ODF2: variants seen among roughly 807,000 people sequenced by gnomAD.
ODF2 encodes outer dense fiber of sperm tails 2.
ODF2 carries 47 observed loss-of-function variants against 110.2 expected under a neutral mutation model. The observed-to-expected ratio is 0.43, with a 90% confidence interval of 0.34 to 0.54. ODF2 has a LOEUF of 0.54. Ranked by LOEUF, ODF2 falls within the 20% of genes least tolerant of loss-of-function variation. The pLI, the probability that ODF2 is intolerant of heterozygous loss-of-function variation, is 0.03. For missense variants in ODF2, 812 were observed against 1,054.5 expected (o/e 0.77, Z 3.19); for synonymous variants, 352 against 397.7 (o/e 0.89, Z 1.37).
At chr9:128,460,068 C>T in intron 3 of ODF2, 1 of 1,123,970 alleles carries the variant, frequency 8.9e-7, no homozygotes, top group Non-Finnish European at 1.2e-6. Flanking sequence ...CTTCAGCTTT[C>T]TGTTTTCCTG....
intron 13 of ODF2, among the ~76,000 whole-genome samples, chr9:128,487,599 A>G (rs1455524395): frequency 5.3e-5 from 8 of 152,096 alleles, no homozygotes; most frequent in Admixed American, 6.5e-5. Flanking sequence ...CATCCTGGCT[A>G]ACACGGTGAA....
At chr9:128,499,596 C>T (rs1846225489) in intron 20 of ODF2, among the ~76,000 whole-genome samples, 1 of 150,498 alleles carries the variant, frequency 6.6e-6, no homozygotes, top group Non-Finnish European at 1.5e-5. Flanking sequence ...CACCCAGACT[C>T]ACGTTTTGTT....
At chr9:128,471,266 G>C in intron 5 of ODF2, 42 bp from the exon 6 acceptor site, 1 of 1,569,936 alleles carries the variant, frequency 6.4e-7, no homozygotes, top group Non-Finnish European at 8.6e-7. Flanking sequence ...CATAGAGGAA[G>C]GACCTCCCTT....
intron 4 of ODF2, 157 bp downstream of exon 4, chr9:128,461,224 C>T: frequency 3.2e-6 from 3 of 928,742 alleles, no homozygotes; most frequent in Non-Finnish European, 4.8e-6. Context: ...TGTGAATCTT[C>T]TTGAGTTCTT....
At chr9:128,499,069 G>A (rs746899579) in exon 20 of ODF2, 40 of 1,614,098 alleles carry the variant, frequency 2.5e-5, no homozygotes, top group African/African-American at 4.0e-5. Flanking sequence ...TGGACCTTGA[G>A]ACCCAGCTGA....
In ODF2 at chr9:128,473,115, C is replaced by A; in HGVS notation, c.711+73C>A. On this transcript the variant is annotated intron_variant, in intron 7 of 20. Coordinates refer to ENST00000604420, the Ensembl canonical transcript of ODF2. Reference sequence around the variant, plus strand: ...GGGGCAGCTGCAGGCTGGGCAGGGTCTTTACGCGTCATCAGGCAGACTTTA... The same window carrying A: ...GGGGCAGCTGCAGGCTGGGCAGGGTATTTACGCGTCATCAGGCAGACTTTA... The A allele has an allele frequency of 6.3e-6, 10 of 1,598,566 alleles. No individual in the cohort carries two copies. The South Asian group carries it at 7.8e-5, about 12-fold the overall frequency.
exon 1 of ODF2, chr9:128,456,206 T>A (rs1588655812): frequency 3.2e-6 from 5 of 1,547,636 alleles, no homozygotes; most frequent in Non-Finnish European, 8.7e-7. Flanking sequence ...GGCCTCCGAC[T>A]TCAACGACTT....
chr9:128,496,193 C>T (rs752641468), intron 18 of ODF2, 52 bp downstream of exon 18: 13 of 1,610,476 alleles, frequency 8.1e-6, no homozygotes, highest in Middle Eastern at 1.7e-4. Flanking sequence ...CTGAGACTTT[C>T]AGCCACTTAG....
chr9:128,457,112 C>T, intron 1 of ODF2: 14 of 1,410,894 alleles, frequency 9.9e-6, no homozygotes, highest in Non-Finnish European at 1.3e-5. Context: ...GTGGTCCTTT[C>T]CCTCGCGGTT....
chr9:128,473,229 C>T (rs1469269055), intron 7 of ODF2, 187 bp downstream of exon 7: 6 of 985,210 alleles, frequency 6.1e-6, no homozygotes, highest in Non-Finnish European at 7.2e-6. Context: ...AAGATGACCT[C>T]TGGTCACCAG....
intron 7 of ODF2, 32 bp from the exon 8 acceptor site, chr9:128,473,578 T>C (rs2131808365): frequency 6.2e-7 from 1 of 1,610,738 alleles, no homozygotes; most frequent in South Asian, 1.1e-5. Context: ...CTTCTCCCCC[T>C]GCATCTGTAA....
chr9:128,461,908 G>A (rs559228142), intron 4 of ODF2, among the ~76,000 whole-genome samples: 1 of 152,274 alleles, frequency 6.6e-6, no homozygotes, highest in Admixed American at 6.5e-5. Flanking sequence ...GGAGTATGGG[G>A]CTTTCTTAGG....
intron 10 of ODF2, 28 bp from the exon 11 acceptor site, chr9:128,483,910 C>T (rs373021257): frequency 4.0e-6 from 6 of 1,502,438 alleles, no homozygotes; most frequent in Non-Finnish European, 5.6e-6. Context: ...AAAATTGTGC[C>T]TCCATCACTT....
chr9:128,487,826 C>A, intron 13 of ODF2, 64 bp from the exon 14 acceptor site: 2 of 1,577,762 alleles, frequency 1.3e-6, no homozygotes, highest in Non-Finnish European at 1.7e-6. Flanking sequence ...CACACACACA[C>A]ACACACACAA....
intron 3 of ODF2, chr9:128,460,266 C>G (rs1207264928): frequency 1.5e-6 from 2 of 1,352,880 alleles, no homozygotes; most frequent in African/African-American, 2.9e-5. Flanking sequence ...CCTAAGAACC[C>G]TGGGGCCGGC....
At chr9:128,498,908 C>G in intron 19 of ODF2, 93 bp from the exon 20 acceptor site, 1 of 1,530,720 alleles carries the variant, frequency 6.5e-7, no homozygotes, top group Non-Finnish European at 9.0e-7. Flanking sequence ...CAAGTGCTGT[C>G]TGCAAGACCA....
At chr9:128,467,189 A>G (rs1838424786) in intron 4 of ODF2, among the ~76,000 whole-genome samples, 1 of 150,880 alleles carries the variant, frequency 6.6e-6, no homozygotes, top group Non-Finnish European at 1.5e-5. Flanking sequence ...CCTGGGCTGT[A>G]TGGTATAGCC....
intron 6 of ODF2, 43 bp from the exon 7 acceptor site, chr9:128,472,870 C>G: frequency 6.2e-7 from 1 of 1,610,740 alleles, no homozygotes; most frequent in Non-Finnish European, 8.5e-7. Context: ...TCTGGGCATG[C>G]GGGGGCCTGG....
chr9:128,473,703 A>T lies in ODF2; in HGVS notation c.805A>T (p.Thr269Ser), dbSNP rs758300116. ...GAGCACATTTGAGGAGACCAACCGC[A>T]CCCTCCGAGACCTCCTGAGGGAACA... is the stretch of plus-strand genomic sequence containing the variant. Residue 269 changes from threonine (T) to serine (S), a missense_variant, in exon 8 of 21, where the codon ACC becomes TCC. Thr to Ser is a moderately conservative substitution (Grantham distance 58). This residue lies in a region of ODF2 where 219 missense variants were observed against 321.3 expected (regional missense o/e 0.68). Transcript: ENST00000604420. 2.0e-5 allele frequency: 33 copies of T among 1,613,082 alleles called. No homozygotes were observed. The highest frequency in any genetic ancestry group is 2.8e-5 in the Non-Finnish European group (33 of 1,179,752).
Sources: gnomAD v4.1 joint callset for allele counts (sites outside exome capture counted in the v4.1 genomes callset) on GRCh38, gnomAD v4.1.1 for gene constraint, gnomAD v4.1.1 regional missense constraint, MANE v1.5 for transcripts, NCBI Gene and HGNC (gene_info 2026-07-23, HGNC 2026-07-21) for gene names.